CACNG2: variants seen among roughly 807,000 people sequenced by gnomAD.
CACNG2 encodes calcium voltage-gated channel auxiliary subunit gamma 2.
CACNG2 carries 3 observed loss-of-function variants against 25.9 expected under a neutral mutation model. The observed-to-expected ratio is 0.12, with a 90% CI of 0.05 to 0.30. The LOEUF is 0.30. Ranked by LOEUF, CACNG2 falls within the 10% of genes least tolerant of loss-of-function variation. The pLI is 1.00. For missense variants in CACNG2, 341 were observed against 432.5 expected (o/e 0.79, Z 1.88); for synonymous variants, 167 against 173.3 (o/e 0.96, Z 0.29).
intron 1 of CACNG2, among the ~76,000 whole-genome samples, chr22:36,636,772 A>C (rs1290532352): frequency 6.6e-6 from 1 of 152,086 alleles, no homozygotes; most frequent in East Asian, 1.9e-4. Context: ...AAGACATTTA[A>C]TTTTCTGAAT....
intron 1 of CACNG2, among the ~76,000 whole-genome samples, chr22:36,670,640 G>A (rs1936936434): frequency 6.9e-6 from 1 of 145,584 alleles, no homozygotes; most frequent in Non-Finnish European, 1.5e-5. Flanking sequence ...TTTTTGTTTT[G>A]TTTTGTTTTT....
chr22:36,605,989 T>C (rs1935825676), intron 1 of CACNG2, among the ~76,000 whole-genome samples: 2 of 152,184 alleles, frequency 1.3e-5, no homozygotes, highest in East Asian at 1.9e-4. Context: ...TAAGAAGCCC[T>C]GTGGTGTGGT....
intron 1 of CACNG2, among the ~76,000 whole-genome samples, chr22:36,688,078 T>C (rs1601457329): frequency 6.6e-6 from 1 of 151,980 alleles, no homozygotes; most frequent in African/African-American, 2.4e-5. Flanking sequence ...ATGGGTAAAA[T>C]GAGAATCCTA....
chr22:36,618,927 AAAACAAAAAACAAAAAGCAAACAAAC>A (rs1936065497), intron 1 of CACNG2, among the ~76,000 whole-genome samples: 1 of 75,580 alleles, frequency 1.3e-5, no homozygotes, highest in Non-Finnish European at 3.1e-5. Flanking sequence ...CAAAAAACAA[AAAACAAAAAACAAAAAGCAAACAAAC>A]AAACAAAAAA....
intron 1 of CACNG2, among the ~76,000 whole-genome samples, chr22:36,643,496 CTA>C (rs1936474632): frequency 6.6e-6 from 1 of 151,666 alleles, no homozygotes; most frequent in Non-Finnish European, 1.5e-5. Flanking sequence ...ATCTATCTAT[CTA>C]TCTATCTATC....
chr22:36,590,288 G>A (rs566267634), intron 1 of CACNG2, among the ~76,000 whole-genome samples: 1 of 152,156 alleles, frequency 6.6e-6, no homozygotes, highest in African/African-American at 2.4e-5. Flanking sequence ...ATAATCAGTG[G>A]CCCAGACCTC....
chr22:36,639,287 T>C (rs1936405971), intron 1 of CACNG2, among the ~76,000 whole-genome samples: 1 of 152,238 alleles, frequency 6.6e-6, no homozygotes. Flanking sequence ...TGTTGTTGTT[T>C]ATGATGATTA....
At position 36,633,657 on chromosome 22, in the gene CACNG2, C is replaced by T. The variant is rs934326176; in HGVS notation, c.212-46109G>A. On this transcript the variant is annotated intron_variant, in intron 1 of 3. Coordinates refer to ENST00000300105, the MANE Select transcript of CACNG2 (RefSeq NM_006078.5). ...CCTATGGTGAGAATGTCAAATGAAA[C>T]AAAAACATTCTGACATTTTAAGAGC... Among the ~76,000 whole-genome samples the T allele has an allele frequency of 2.6e-5, 4 of 152,276 alleles. No individual in the cohort carries two copies. In the East Asian group the frequency reaches 7.7e-4, roughly 29 times the overall value.
At chr22:36,611,523 C>G (rs966255353) in intron 1 of CACNG2, among the ~76,000 whole-genome samples, 16 of 152,162 alleles carry the variant, frequency 1.1e-4, no homozygotes, top group African/African-American at 3.9e-4. Flanking sequence ...GTTTGTGATC[C>G]TGGCCAGGAC....
At chr22:36,572,175 A>G (rs1450561399) in intron 2 of CACNG2, among the ~76,000 whole-genome samples, 1 of 152,186 alleles carries the variant, frequency 6.6e-6, no homozygotes, top group African/African-American at 2.4e-5. Context: ...ACATTTATGG[A>G]GCCCCTCCCC....
At chr22:36,584,221 G>A (rs1246903760) in intron 2 of CACNG2, among the ~76,000 whole-genome samples, 1 of 152,160 alleles carries the variant, frequency 6.6e-6, no homozygotes, top group Admixed American at 6.5e-5. Flanking sequence ...GCAGGCTGAG[G>A]CAGGCGGATC....
chr22:36,566,555 G>A, intron 2 of CACNG2, 62 bp from the exon 3 acceptor site: 1 of 1,590,254 alleles, frequency 6.3e-7, no homozygotes, highest in Non-Finnish European at 8.6e-7. Flanking sequence ...GAGGCACACA[G>A]AGGCAGGTGG....
In CACNG2 at chr22:36,587,522, T is replaced by G; in HGVS notation, c.238A>C (p.Ile80Leu). 6.2e-7 allele frequency: 1 copy of G among 1,613,664 alleles called. No individual in the cohort carries two copies. The highest frequency in any genetic ancestry group is 8.5e-7 in the Non-Finnish European group (1 of 1,179,530). The change falls in exon 2 of 4, where the codon ATT becomes CTT. Residue 80 changes from isoleucine to leucine, a missense_variant. This residue lies in a region of CACNG2 where 169 missense variants were observed against 254.4 expected (regional missense o/e 0.66). Coordinates refer to ENST00000300105, the MANE Select transcript of CACNG2 (RefSeq NM_006078.5). ...TCTGCATCCTCTGGGAAGTGATCAATTTGCTTGCACAGACCTTTGAAATTC... is the reference window on the plus strand; with the variant it reads ...TCTGCATCCTCTGGGAAGTGATCAAGTTGCTTGCACAGACCTTTGAAATTC... Reference protein sequence around the residue: ...EGNFKGLCKQIDHFPEDADYE... With the variant: ...EGNFKGLCKQLDHFPEDADYE...
chr22:36,632,709 C>T (rs146784580), intron 1 of CACNG2, among the ~76,000 whole-genome samples: 9 of 152,184 alleles, frequency 5.9e-5, no homozygotes, highest in East Asian at 5.8e-4. Flanking sequence ...GGCACCCCCT[C>T]GCTTGGTTCT....
intron 2 of CACNG2, among the ~76,000 whole-genome samples, chr22:36,567,826 G>A (rs796738094): frequency 9.2e-5 from 14 of 152,236 alleles, no homozygotes; most frequent in African/African-American, 3.1e-4. Context: ...GCTTGAGGCA[G>A]GGGTGAGGGA....
At chr22:36,638,974 C>G (rs1478646661) in intron 1 of CACNG2, among the ~76,000 whole-genome samples, 1 of 152,178 alleles carries the variant, frequency 6.6e-6, no homozygotes, top group African/African-American at 2.4e-5. Flanking sequence ...TTACTAAGCA[C>G]CAACTGGGTG....
intron 1 of CACNG2, among the ~76,000 whole-genome samples, chr22:36,637,494 G>C (rs1018191737): frequency 1.3e-5 from 2 of 152,112 alleles, no homozygotes; most frequent in African/African-American, 2.4e-5. Flanking sequence ...CCAGTGATCA[G>C]GGGGGCAGCT....
chr22:36,563,366 CG>C lies in CACNG2; in HGVS notation c.*984del, dbSNP rs56791508. On this transcript the variant is annotated 3_prime_UTR_variant, in exon 4 of 4. Coordinates refer to ENST00000300105, the MANE Select transcript of CACNG2 (RefSeq NM_006078.5). The stretch of plus-strand genomic sequence containing the variant: ...GGAGGGAGAGCTGTTTCATGTCCCC[CG>C]GGGGGGGGGGTGGCATCTCCTGACC... Among the ~76,000 whole-genome samples, 1,257 of 148,002 alleles carry C rather than the reference CG, an allele frequency of 8.5e-3. 10 individuals are homozygous for C. The highest frequency in any genetic ancestry group is 0.013 in the South Asian group (57 of 4,530).
At chr22:36,698,287 A>G (rs1937366609) in intron 1 of CACNG2, among the ~76,000 whole-genome samples, 1 of 152,106 alleles carries the variant, frequency 6.6e-6, no homozygotes, top group Non-Finnish European at 1.5e-5. Flanking sequence ...CAATCCATTG[A>G]TAAATATTTC....
Sources: allele counts gnomAD v4.1 joint callset (sites outside exome capture counted in the v4.1 genomes callset), GRCh38; gene constraint gnomAD v4.1.1; regional missense constraint gnomAD v4.1.1; transcripts MANE v1.5; gene names NCBI Gene and HGNC (gene_info 2026-07-23, HGNC 2026-07-21).